The following IGF2BP2 variants were observed in gnomAD, a reference collection of about 807,000 sequenced individuals.
The protein encoded by IGF2BP2 is insulin-like growth factor 2 mRNA-binding protein 2.
In IGF2BP2, 17 loss-of-function variants were observed where a neutral mutation model predicts 75.8. That is an observed-to-expected ratio of 0.22 (90% CI 0.15 to 0.34). The LOEUF is 0.34. IGF2BP2 is among the 10% of genes least tolerant of loss of function. The pLI, the probability that IGF2BP2 is intolerant of heterozygous loss-of-function variation, is 1.00. For missense variants in IGF2BP2, 516 were observed against 772.4 expected, an observed-to-expected ratio of 0.67 and a Z score of 3.93; for synonymous variants, 288 against 295.6, an observed-to-expected ratio of 0.97 and a Z score of 0.26.
At chr3:185,679,967 C>T (rs948827718) in intron 7 of IGF2BP2, among the ~76,000 whole-genome samples, 8 of 151,932 alleles carry the variant, frequency 5.3e-5, no homozygotes, top group African/African-American at 7.3e-5. Flanking sequence ...AGCATAAAAA[C>T]GGCAATAATA....
At chr3:185,710,282 T>C (rs2149411544) in intron 2 of IGF2BP2, among the ~76,000 whole-genome samples, 1 of 151,860 alleles carries the variant, frequency 6.6e-6, no homozygotes, top group African/African-American at 2.4e-5. Context: ...CCACAGACTG[T>C]GGGCAAGTTA....
At chr3:185,717,271 C>G (rs984307419) in intron 2 of IGF2BP2, 1 of 171,524 alleles carries the variant, frequency 5.8e-6, no homozygotes, top group Non-Finnish European at 1.3e-5. Context: ...ATACGTGACT[C>G]TGGCATGTAT....
At chr3:185,764,051 G>A (rs988430567) in intron 2 of IGF2BP2, among the ~76,000 whole-genome samples, 4 of 151,872 alleles carry the variant, frequency 2.6e-5, no homozygotes, top group Non-Finnish European at 4.4e-5. Flanking sequence ...GTCATAGAGA[G>A]GATTTTTAAT....
intron 2 of IGF2BP2, among the ~76,000 whole-genome samples, chr3:185,723,300 G>A (rs78301315): frequency 0.027 from 4,151 of 152,170 alleles, 200 homozygotes; most frequent in African/African-American, 0.095. Flanking sequence ...CCAATACTTA[G>A]AACTCACTGC....
chr3:185,757,482 T>TG (rs1491144026), intron 2 of IGF2BP2, among the ~76,000 whole-genome samples: 1 of 132,156 alleles, frequency 7.6e-6, no homozygotes, highest in Non-Finnish European at 1.6e-5. Context: ...TTTTTTTTTT[T>TG]GAGACAGAGT....
intron 2 of IGF2BP2, among the ~76,000 whole-genome samples, chr3:185,818,422 A>G (rs1447912809): frequency 1.3e-5 from 2 of 152,300 alleles, no homozygotes; most frequent in East Asian, 3.9e-4. Context: ...CTCAAGGCAA[A>G]TATCACTGCA....
intron 2 of IGF2BP2, among the ~76,000 whole-genome samples, chr3:185,766,396 T>TG (rs1247827406): frequency 2.9e-4 from 44 of 152,256 alleles, no homozygotes; most frequent in Admixed American, 6.5e-4. Flanking sequence ...CCACCTGTTT[T>TG]TGTATAGTCT....
intron 4 of IGF2BP2, chr3:185,693,140 A>G (rs933598212): frequency 6.0e-6 from 1 of 166,618 alleles, no homozygotes; most frequent in African/African-American, 2.4e-5. Flanking sequence ...GGCTGTTCCC[A>G]CTATTTGCTA....
Position 185,824,927 on chromosome 3 carries a change from G to A in IGF2BP2, c.34C>T (p.Pro12Ser), listed in dbSNP as rs1741841826. 1 of 1,561,294 alleles carries A rather than the reference G, an allele frequency of 6.4e-7. No homozygotes were observed. The highest frequency in any genetic ancestry group is 1.2e-5 in the South Asian group (1 of 85,256). The stretch of plus-strand genomic sequence containing the variant: ...CGGAGGTCGTCGGCGGTGACGGCGG[G>A]GCTCAGGTTCCCGATGTAAAGCTTG... ...MNKLYIGNLS[P>S]AVTADDLRQL... Residue 12 changes from proline to serine, a missense_variant, in exon 1 of 16, where the codon CCC becomes TCC. Physicochemically the swap from Pro to Ser is moderately conservative, Grantham distance 74. Coordinates refer to ENST00000382199, the MANE Select transcript of IGF2BP2 (RefSeq NM_006548.6).
At chr3:185,811,877 T>TCTCTCC (rs1553897483) in intron 2 of IGF2BP2, among the ~76,000 whole-genome samples, 4 of 48,032 alleles carry the variant, frequency 8.3e-5, no homozygotes, top group East Asian at 4.5e-4. Context: ...TCTCTCTCTC[T>TCTCTCC]CCCCCTCTCC....
At chr3:185,770,963 C>G (rs572772221) in intron 2 of IGF2BP2, among the ~76,000 whole-genome samples, 1 of 152,304 alleles carries the variant, frequency 6.6e-6, no homozygotes, top group African/African-American at 2.4e-5. Flanking sequence ...GTTGCCCAGA[C>G]TGGTCTTGAA....
intron 9 of IGF2BP2, 45 bp downstream of exon 9, chr3:185,675,251 T>C (rs199645756): frequency 2.8e-4 from 449 of 1,586,102 alleles, no homozygotes; most frequent in Non-Finnish European, 3.6e-4. Flanking sequence ...GCAAGTATTT[T>C]TAGCCTAGTG....
chr3:185,808,132 AAAAGAAAGAAAG>A (rs144961186), intron 2 of IGF2BP2, among the ~76,000 whole-genome samples: 1 of 128,730 alleles, frequency 7.8e-6, no homozygotes, highest in Non-Finnish European at 1.6e-5. Context: ...AAAAAAAAAA[AAAAGAAAGAAAG>A]AAAGAAAGAA....
chr3:185,725,157 T>C (rs771834722), intron 2 of IGF2BP2: 1 of 152,178 alleles, frequency 6.6e-6, no homozygotes, highest in Non-Finnish European at 1.5e-5. Context: ...AGACAAACCA[T>C]CCCACTGTAC....
chr3:185,704,189 G>A (rs1177476860), intron 2 of IGF2BP2, among the ~76,000 whole-genome samples: 1 of 152,208 alleles, frequency 6.6e-6, no homozygotes, highest in African/African-American at 2.4e-5. Context: ...GTAAAGAGAG[G>A]CAGGTATGCT....
intron 2 of IGF2BP2, among the ~76,000 whole-genome samples, chr3:185,802,283 G>A (rs1198482530): frequency 1.1e-5 from 1 of 89,452 alleles, no homozygotes; most frequent in Non-Finnish European, 2.2e-5. Flanking sequence ...CCTCATTCCA[G>A]CTTAACACAT....
chr3:185,812,310 A>C (rs1740004823), intron 2 of IGF2BP2, among the ~76,000 whole-genome samples: 1 of 152,208 alleles, frequency 6.6e-6, no homozygotes, highest in South Asian at 2.1e-4. Context: ...TCACTCTTCA[A>C]AGGCAGTTGA....
chr3:185,721,266 G>A (rs1345084287), intron 2 of IGF2BP2, among the ~76,000 whole-genome samples: 2 of 152,058 alleles, frequency 1.3e-5, no homozygotes, highest in Non-Finnish European at 2.9e-5. Flanking sequence ...CTGGAGTGCA[G>A]TGGTGCAATC....
chr3:185,774,325 G>T (rs1176985848), intron 2 of IGF2BP2, among the ~76,000 whole-genome samples: 1 of 152,186 alleles, frequency 6.6e-6, no homozygotes, highest in Non-Finnish European at 1.5e-5. Context: ...GCCGGGCATG[G>T]TGGTTCCCGC....
Sources: gnomAD v4.1 joint callset for allele counts (sites outside exome capture counted in the v4.1 genomes callset) on GRCh38, gnomAD v4.1.1 for gene constraint, MANE v1.5 for transcripts, NCBI Gene and HGNC (gene_info 2026-07-23, HGNC 2026-07-21) for gene names.